TRIM2: variants seen among roughly 807,000 people sequenced by gnomAD.
TRIM2 encodes tripartite motif containing 2, also known as tripartite motif-containing protein 2.
A neutral mutation model predicts 75.2 loss-of-function variants in TRIM2; 20 were observed. The observed-to-expected ratio is 0.27, with a 90% CI of 0.19 to 0.39. The LOEUF is 0.39. TRIM2 is among the 10% of genes least tolerant of loss of function. TRIM2 has a pLI of 1.00. For missense variants in TRIM2, 660 were observed against 990.8 expected (o/e 0.67, Z 4.48); for synonymous variants, 373 against 388.3 (o/e 0.96, Z 0.46).
Position 153,295,460 on chromosome 4 carries a change from G to A in TRIM2, c.934G>A (p.Ala312Thr), listed in dbSNP as rs780589088. The A allele has an allele frequency of 6.2e-7, 1 of 1,614,224 alleles. No homozygotes were observed. The highest frequency in any genetic ancestry group is 8.5e-7 in the Non-Finnish European group (1 of 1,180,034). ...KQMSEKLNEL[A>T]DQDFPLHPRE... ...GATGAGCGAGAAGCTGAACGAGCTG[G>A]CCGACCAGGACTTCCCCTTGCACCC... The change falls in exon 6 of 12, where the codon GCC becomes ACC. Residue 312 changes from alanine (A) to threonine (T), a missense_variant. By Grantham distance (58) the Ala-to-Thr change is moderately conservative. Coordinates refer to ENST00000338700, the MANE Select transcript of TRIM2 (RefSeq NM_015271.5). This position sits in a 1 kb window ranked among gnomAD's most constrained non-coding sequence, Gnocchi z 7.2.
intron 3 of TRIM2, 123 bp downstream of exon 3, chr4:153,276,253 A>G (rs1758007246): frequency 2.4e-6 from 2 of 822,014 alleles, no homozygotes; most frequent in South Asian, 1.6e-5. Flanking sequence ...AGTAATTAAA[A>G]AAGATTTTTA....
intron 8 of TRIM2, 69 bp from the exon 9 acceptor site, chr4:153,322,579 T>G (rs1212136211): frequency 6.5e-7 from 1 of 1,531,732 alleles, no homozygotes; most frequent in African/African-American, 1.4e-5. Context: ...AGTGTTTATC[T>G]TCATGTTCTG....
intron 3 of TRIM2, among the ~76,000 whole-genome samples, chr4:153,285,752 TG>T (rs926806800): frequency 7.2e-6 from 1 of 139,552 alleles, no homozygotes; most frequent in Non-Finnish European, 1.5e-5. Flanking sequence ...ATTGTGTGAA[TG>T]TGTGTGCGTG....
intron 1 of TRIM2, among the ~76,000 whole-genome samples, chr4:153,181,135 C>T (rs977264209): frequency 5.3e-5 from 8 of 152,148 alleles, no homozygotes; most frequent in Non-Finnish European, 1.2e-4. Flanking sequence ...ATTCTAAGTA[C>T]GAACTTATGT....
intron 1 of TRIM2, among the ~76,000 whole-genome samples, chr4:153,234,203 AT>A (rs1744405234): frequency 6.6e-6 from 1 of 152,164 alleles, no homozygotes; most frequent in Non-Finnish European, 1.5e-5. Flanking sequence ...AATTCTCATC[AT>A]TTTATGCTCA....
intron 1 of TRIM2, among the ~76,000 whole-genome samples, chr4:153,206,530 G>A (rs1228099188): frequency 6.6e-6 from 1 of 152,042 alleles, no homozygotes; most frequent in African/African-American, 2.4e-5. Context: ...TGTCCTCTCC[G>A]GGCGCCACTC....
In TRIM2 at chr4:153,318,138, G is replaced by A. The variant is rs564837119; in HGVS notation, c.1782+2139G>A. On this transcript the variant is annotated intron_variant, in intron 8 of 11. Transcript: ENST00000338700. ...ATCTGGGCTTCATGTCCTCATGCAG[G>A]CACCTGGTGGTCATCACTTTGTCTA... 3.3e-5 allele frequency among the ~76,000 whole-genome samples: 5 copies of A among 152,296 alleles called. No homozygotes were observed. In the South Asian group the frequency reaches 8.3e-4, roughly 25 times the overall value.
At chr4:153,242,597 G>A (rs760989179) in intron 1 of TRIM2, among the ~76,000 whole-genome samples, 19 of 152,148 alleles carry the variant, frequency 1.2e-4, no homozygotes, top group Non-Finnish European at 2.8e-4. Context: ...CCTCAGCATC[G>A]TTTTCTAGTC....
chr4:153,238,554 G>A (rs1745617845), intron 1 of TRIM2, among the ~76,000 whole-genome samples: 1 of 152,156 alleles, frequency 6.6e-6, no homozygotes, highest in South Asian at 2.1e-4. Flanking sequence ...TCCAGGGAGA[G>A]GAAAAGCATG....
At chr4:153,328,925 G>A (rs1770841546) in intron 11 of TRIM2, among the ~76,000 whole-genome samples, 1 of 152,048 alleles carries the variant, frequency 6.6e-6, no homozygotes, top group Admixed American at 6.6e-5. Flanking sequence ...ATTCAAGGGG[G>A]CCATTGAATA....
At chr4:153,168,465 A>G (rs1387500182) in intron 1 of TRIM2, among the ~76,000 whole-genome samples, 1 of 152,226 alleles carries the variant, frequency 6.6e-6, no homozygotes, top group Non-Finnish European at 1.5e-5. Flanking sequence ...TTGGAACTAG[A>G]GAAAAAAGTG....
chr4:153,193,319 G>A (rs960236083), intron 1 of TRIM2, among the ~76,000 whole-genome samples: 1 of 151,900 alleles, frequency 6.6e-6, no homozygotes, highest in Non-Finnish European at 1.5e-5. Context: ...TTTTAGTAGA[G>A]ACAGGGTTTC....
intron 8 of TRIM2, among the ~76,000 whole-genome samples, chr4:153,318,253 C>A (rs1658805573): frequency 6.6e-6 from 1 of 152,170 alleles, no homozygotes; most frequent in Admixed American, 6.5e-5. Flanking sequence ...GGAAGAATTT[C>A]TGTTTTCCTT....
In TRIM2 at chr4:153,198,690, T is replaced by A. The variant is rs544370828; in HGVS notation, c.-49+45420T>A. 1.6e-4 allele frequency among the ~76,000 whole-genome samples: 25 copies of A among 152,348 alleles called. No individual in the cohort carries two copies. The South Asian group carries it at 4.1e-3, about 25-fold the overall frequency. On this transcript the variant is annotated intron_variant, in intron 1 of 11. Transcript: ENST00000437508. ...TAGTTTTATGTGTATATCATTTTTT[T>A]AAAAATCAGAAAGCAATTTAATGTT... is the stretch of plus-strand genomic sequence containing the variant.
At chr4:153,288,414 G>C (rs1761137306) in intron 3 of TRIM2, among the ~76,000 whole-genome samples, 1 of 152,140 alleles carries the variant, frequency 6.6e-6, no homozygotes. Context: ...TCCAGCCTGG[G>C]TGACAGAGTG....
Position 153,185,665 on chromosome 4 carries a change from C to T in TRIM2, c.-49+32395C>T, listed in dbSNP as rs193141150. Among the ~76,000 whole-genome samples the T allele has an allele frequency of 1.1e-4, 16 of 152,268 alleles. No individual in the cohort carries two copies. In the East Asian group the frequency reaches 3.1e-3, roughly 29 times the overall value. On this transcript the variant is annotated intron_variant, in intron 1 of 11. Transcript: ENST00000437508. ...ATTGAGTTTCTGCTTTGTCCCTCCA[C>T]GTAAGCAGTAGGAACCCTGGGATAA...
chr4:153,245,769 C>T (rs1021449093), intron 1 of TRIM2, among the ~76,000 whole-genome samples: 12 of 152,136 alleles, frequency 7.9e-5, no homozygotes, highest in African/African-American at 2.2e-4. Flanking sequence ...CCTCTCCTCC[C>T]GGGTTCAAGC....
chr4:153,312,468 A>G (rs1766581164), intron 6 of TRIM2, among the ~76,000 whole-genome samples: 1 of 152,088 alleles, frequency 6.6e-6, no homozygotes, highest in Non-Finnish European at 1.5e-5. Flanking sequence ...GCTCACCATC[A>G]CTGGCCATCA....
intron 1 of TRIM2, among the ~76,000 whole-genome samples, chr4:153,266,369 A>G (rs1579146729): frequency 8.3e-6 from 1 of 120,308 alleles, no homozygotes. Context: ...TTTGAGACGG[A>G]GTCTGACTCT....
Sources: allele counts gnomAD v4.1 joint callset (sites outside exome capture counted in the v4.1 genomes callset), GRCh38; gene constraint gnomAD v4.1.1; non-coding constraint Gnocchi (gnomAD v3.1); transcripts MANE v1.5; gene names NCBI Gene and HGNC (gene_info 2026-07-23, HGNC 2026-07-21).